The following HDAC9 variants were observed in gnomAD, a reference collection of about 807,000 sequenced individuals.
The protein encoded by HDAC9 is MEF-2 interacting transcription repressor (MITR) protein.
Under a neutral mutation model 139.4 loss-of-function variants are expected in HDAC9, and 41 were observed. The ratio of observed to expected loss-of-function variants is 0.29; its 90% confidence interval spans 0.23 to 0.38. The LOEUF is 0.38. Ranked by LOEUF, HDAC9 falls within the 10% of genes least tolerant of loss-of-function variation. The probability of loss-of-function intolerance (pLI) is 1.00; values close to 1 mark genes in which losing one functional copy is unlikely to be tolerated. For synonymous variants in HDAC9, 517 were observed against 476.2 expected (o/e 1.09, Z -1.12); for missense variants, 1,147 against 1,297.0 (o/e 0.88, Z 1.78).
intron 12 of HDAC9, among the ~76,000 whole-genome samples, chr7:18,717,432 T>A (rs2129120354): frequency 8.6e-6 from 1 of 116,696 alleles, no homozygotes; most frequent in South Asian, 2.3e-4. Flanking sequence ...TACAATTTCC[T>A]TTTTTTTTTT....
rs965150650 is a variant in HDAC9, at chr7:18,762,334, A to C, written c.2164+57A>C. ...GCACATTCCAGCACTATCATTAGTC[A>C]ACGCTGGTGTCAGTTCAAAATACTT... On this transcript the variant is annotated intron_variant, in intron 15 of 25. Coordinates refer to ENST00000686413, the MANE Select transcript of HDAC9 (RefSeq NM_178425.4). The C allele has an allele frequency of 2.5e-6, 4 of 1,585,862 alleles. No homozygotes were observed. The African/African-American group carries it at 5.4e-5, about 21-fold the overall frequency.
intron 2 of HDAC9, among the ~76,000 whole-genome samples, chr7:18,258,113 A>G (rs1941531328): frequency 1.3e-5 from 2 of 152,250 alleles, no homozygotes; most frequent in Admixed American, 1.3e-4. Flanking sequence ...GTTTAGATAA[A>G]CATTATGGAG....
At chr7:18,564,053 T>C (rs970738427) in intron 2 of HDAC9, among the ~76,000 whole-genome samples, 7 of 152,090 alleles carry the variant, frequency 4.6e-5, no homozygotes, top group African/African-American at 2.4e-5. Flanking sequence ...GCCAGGATGG[T>C]CTCGAGCTCC....
chr7:18,727,314 T>C (rs1434934508), intron 12 of HDAC9, among the ~76,000 whole-genome samples: 1 of 152,224 alleles, frequency 6.6e-6, no homozygotes, highest in African/African-American at 2.4e-5. Context: ...TTTCTTTCAA[T>C]CAGTTCAAAC....
intron 1 of HDAC9, among the ~76,000 whole-genome samples, chr7:18,307,506 TA>T (rs1799006741): frequency 6.6e-6 from 1 of 152,174 alleles, no homozygotes; most frequent in Non-Finnish European, 1.5e-5. Flanking sequence ...TCTAACATTA[TA>T]AAATCAAAAT....
At chr7:18,830,528 C>A (rs561210307) in intron 19 of HDAC9, among the ~76,000 whole-genome samples, 6 of 152,164 alleles carry the variant, frequency 3.9e-5, no homozygotes, top group Admixed American at 1.3e-4. Context: ...TTGGAAGTCA[C>A]GGCCTCGCCC....
intron 9 of HDAC9, among the ~76,000 whole-genome samples, chr7:18,647,077 A>G (rs1032502124): frequency 1.3e-5 from 2 of 152,174 alleles, no homozygotes; most frequent in Non-Finnish European, 2.9e-5. Context: ...CCATGTAGAG[A>G]AAGGGTAAAT....
At chr7:18,589,017 A>G (rs765560849) in intron 3 of HDAC9, among the ~76,000 whole-genome samples, 39 of 152,294 alleles carry the variant, frequency 2.6e-4, no homozygotes, top group Non-Finnish European at 5.0e-4. Context: ...TACGTTATGA[A>G]TATGCGGCTG....
chr7:18,470,159 A>G (rs1794614636), intron 1 of HDAC9, among the ~76,000 whole-genome samples: 1 of 152,056 alleles, frequency 6.6e-6, no homozygotes, highest in Non-Finnish European at 1.5e-5. Context: ...TACCAAATAA[A>G]TAAATAAGCC....
At chr7:18,116,817 C>G (rs1784021649) in intron 1 of HDAC9, among the ~76,000 whole-genome samples, 1 of 152,014 alleles carries the variant, frequency 6.6e-6, no homozygotes, top group South Asian at 2.1e-4. Context: ...GGAAAATTGG[C>G]TTAAATGTAT....
intron 6 of HDAC9, among the ~76,000 whole-genome samples, chr7:18,622,209 G>T (rs1217047063): frequency 6.6e-6 from 1 of 152,154 alleles, no homozygotes; most frequent in Non-Finnish European, 1.5e-5. Flanking sequence ...TGCCAGAAAG[G>T]GATCTGAAGC....
At chr7:18,310,027 A>AGCAC (rs1424643117) in intron 1 of HDAC9, among the ~76,000 whole-genome samples, 1 of 152,104 alleles carries the variant, frequency 6.6e-6, no homozygotes, top group East Asian at 1.9e-4. Flanking sequence ...ACACTGGTGC[A>AGCAC]GCCCAGCCAT....
rs11973990 is a variant in HDAC9, at chr7:18,957,215, T to C, written c.3022+2985T>C. Reference sequence around the variant, plus strand: ...GTAGAGAGAAAGTGTTTCAGCACTGTGGCTTTGACCACCGTGTGGTGCATT... The same window carrying C: ...GTAGAGAGAAAGTGTTTCAGCACTGCGGCTTTGACCACCGTGTGGTGCATT... On this transcript the variant is annotated intron_variant, in intron 24 of 25. Coordinates refer to ENST00000686413, the MANE Select transcript of HDAC9 (RefSeq NM_178425.4). Among the ~76,000 whole-genome samples, 1,211 of 152,236 alleles carry C rather than the reference T, an allele frequency of 8.0e-3. 25 individuals are homozygous for C. Among genetic ancestry groups the C allele is most frequent in the African/African-American group, 0.028 (1,166 of 41,536 alleles).
At chr7:18,299,931 G>A (rs1798423061) in intron 1 of HDAC9, among the ~76,000 whole-genome samples, 1 of 152,158 alleles carries the variant, frequency 6.6e-6, no homozygotes, top group African/African-American at 2.4e-5. Context: ...TCAAGAGACT[G>A]TCATGACAAG....
chr7:18,222,665 C>A (rs1792787306), intron 2 of HDAC9, among the ~76,000 whole-genome samples: 1 of 152,050 alleles, frequency 6.6e-6, no homozygotes, highest in Admixed American at 6.6e-5. Flanking sequence ...CTATTGCTGT[C>A]TACATATTTA....
intron 22 of HDAC9, among the ~76,000 whole-genome samples, chr7:18,913,102 G>T (rs1036299263): frequency 3.3e-5 from 5 of 151,984 alleles, no homozygotes; most frequent in African/African-American, 1.2e-4. Context: ...TAGCATTTTT[G>T]AGTACTAGAA....
intron 6 of HDAC9, among the ~76,000 whole-genome samples, chr7:18,616,224 G>A (rs1838557030): frequency 6.6e-6 from 1 of 152,184 alleles, no homozygotes; most frequent in Non-Finnish European, 1.5e-5. Flanking sequence ...ACCACCTAAT[G>A]TGATACAGTC....
At chr7:18,204,011 A>T (rs1791317789) in intron 2 of HDAC9, among the ~76,000 whole-genome samples, 1 of 152,194 alleles carries the variant, frequency 6.6e-6, no homozygotes, top group South Asian at 2.1e-4. Flanking sequence ...CACATGGTGA[A>T]TGTAAACAAA....
chr7:18,598,515 G>A (rs903062446), intron 6 of HDAC9, among the ~76,000 whole-genome samples: 4 of 152,098 alleles, frequency 2.6e-5, no homozygotes, highest in Non-Finnish European at 5.9e-5. Context: ...TCTAGGCCAC[G>A]ATTCCCTCAT....
Sources: gnomAD v4.1 joint callset for allele counts (sites outside exome capture counted in the v4.1 genomes callset) on GRCh38, gnomAD v4.1.1 for gene constraint, MANE v1.5 for transcripts, NCBI Gene and HGNC (gene_info 2026-07-23, HGNC 2026-07-21) for gene names.